Variants in ASAP1 observed in about 807,000 individuals in gnomAD.
ASAP1 encodes the protein arf-GAP with SH3 domain, ANK repeat and PH domain-containing protein 1.
In ASAP1, 43 loss-of-function variants were observed where a neutral mutation model predicts 145.2. The ratio of observed to expected loss-of-function variants is 0.30; its 90% CI spans 0.23 to 0.38. The LOEUF is 0.38. Ranked by LOEUF, ASAP1 falls within the 10% of genes least tolerant of loss-of-function variation. The pLI is 1.00. For synonymous variants in ASAP1, 546 were observed against 515.5 expected (o/e 1.06, Z -0.80); for missense variants, 1,018 against 1,355.3 (o/e 0.75, Z 3.91).
intron 2 of ASAP1, among the ~76,000 whole-genome samples, chr8:130,398,444 T>A (rs1453565556): frequency 6.6e-6 from 1 of 152,196 alleles, no homozygotes; most frequent in Non-Finnish European, 1.5e-5. Context: ...GTAGAAGTAG[T>A]CACAACAGTA....
At chr8:130,353,925 C>A (rs1300768842) in intron 3 of ASAP1, among the ~76,000 whole-genome samples, 1 of 151,664 alleles carries the variant, frequency 6.6e-6, no homozygotes, top group South Asian at 2.1e-4. Context: ...CTTGCTCTGT[C>A]GCCCAGGCTG....
chr8:130,376,909 A>C (rs1194349497), intron 2 of ASAP1, among the ~76,000 whole-genome samples: 1 of 121,560 alleles, frequency 8.2e-6, no homozygotes, highest in Non-Finnish European at 1.7e-5. Flanking sequence ...ATCTCAAAAA[A>C]AAAAAAAAAA....
intron 3 of ASAP1, among the ~76,000 whole-genome samples, chr8:130,306,151 G>T (rs1822979232): frequency 6.6e-6 from 1 of 152,204 alleles, no homozygotes; most frequent in Non-Finnish European, 1.5e-5. Flanking sequence ...AATGGTGATA[G>T]TAATACTAAC....
intron 1 of ASAP1, among the ~76,000 whole-genome samples, chr8:130,418,596 T>C (rs2138689216): frequency 6.6e-6 from 1 of 151,626 alleles, no homozygotes; most frequent in Middle Eastern, 3.4e-3. Flanking sequence ...AATTCAATGG[T>C]TTTTAGCATA....
intron 29 of ASAP1, 41 bp from the exon 30 acceptor site, chr8:130,054,846 G>A (rs1223006108): frequency 1.3e-6 from 2 of 1,548,506 alleles, no homozygotes; most frequent in Admixed American, 1.7e-5. Context: ...GAGGCAGCAG[G>A]CAGTGGCCCC....
chr8:130,350,118 G>A (rs541781215), intron 3 of ASAP1, among the ~76,000 whole-genome samples: 16 of 152,314 alleles, frequency 1.1e-4, no homozygotes, highest in African/African-American at 2.4e-4. Context: ...CTGCGGCCTC[G>A]CACAGTGTGT....
At chr8:130,229,639 T>C (rs976266023) in intron 4 of ASAP1, among the ~76,000 whole-genome samples, 1 of 152,202 alleles carries the variant, frequency 6.6e-6, no homozygotes, top group African/African-American at 2.4e-5. Context: ...ATTCAACAAA[T>C]GGCAGCTATA....
chr8:130,179,491 T>C (rs1431298008), intron 8 of ASAP1, 142 bp from the exon 9 acceptor site: 3 of 533,128 alleles, frequency 5.6e-6, no homozygotes, highest in Non-Finnish European at 1.0e-5. Context: ...AGAATGCTGA[T>C]TTCGCAGTCA....
At chr8:130,146,800 T>G (rs971402934) in intron 13 of ASAP1, among the ~76,000 whole-genome samples, 1 of 152,206 alleles carries the variant, frequency 6.6e-6, no homozygotes, top group Non-Finnish European at 1.5e-5. Context: ...ATTCTTGCTT[T>G]AGTGAAATGC....
At chr8:130,222,889 A>G (rs7002892) in intron 4 of ASAP1, among the ~76,000 whole-genome samples, 2 of 151,966 alleles carry the variant, frequency 1.3e-5, no homozygotes, top group Non-Finnish European at 2.9e-5. Flanking sequence ...TGTACTTGGT[A>G]AAGTGCAGGA....
At chr8:130,111,693 T>C (rs1294449838) in intron 24 of ASAP1, among the ~76,000 whole-genome samples, 1 of 152,166 alleles carries the variant, frequency 6.6e-6, no homozygotes, top group Non-Finnish European at 1.5e-5. Context: ...GAACTGAAAC[T>C]CCACTCCACA....
intron 3 of ASAP1, among the ~76,000 whole-genome samples, chr8:130,262,406 AAAAAAAAAAAAGAGAGAGAGAGAGAG>A (rs1819959925): frequency 8.7e-6 from 1 of 114,880 alleles, no homozygotes; most frequent in African/African-American, 3.5e-5. Context: ...AAAAAAAAAA[AAAAAAAAAAAAGAGAGAGAGAGAGAG>A]AGAGAGAGAG....
intron 24 of ASAP1, among the ~76,000 whole-genome samples, chr8:130,105,825 C>G (rs1431611047): frequency 3.9e-5 from 6 of 152,122 alleles, no homozygotes. Context: ...ATGATATGTG[C>G]CACATTGCTC....
chr8:130,144,739 G>A (rs1307527212), intron 13 of ASAP1, among the ~76,000 whole-genome samples: 1 of 152,126 alleles, frequency 6.6e-6, no homozygotes, highest in Non-Finnish European at 1.5e-5. Context: ...TTATCTAACT[G>A]AAGTAATTCA....
At chr8:130,387,707 A>G (rs1231249011) in intron 2 of ASAP1, among the ~76,000 whole-genome samples, 1 of 151,304 alleles carries the variant, frequency 6.6e-6, no homozygotes, top group Non-Finnish European at 1.5e-5. Context: ...AACCACTTGT[A>G]TATATATATG....
At chr8:130,314,803 G>A (rs1313463130) in intron 3 of ASAP1, among the ~76,000 whole-genome samples, 1 of 152,172 alleles carries the variant, frequency 6.6e-6, no homozygotes, top group Non-Finnish European at 1.5e-5. Flanking sequence ...AGATGTGGTC[G>A]GGATGTGCAG....
chr8:130,427,893 C>T (rs1587030532), intron 1 of ASAP1: 1 of 152,222 alleles, frequency 6.6e-6, no homozygotes, highest in East Asian at 1.9e-4. Flanking sequence ...CAAATCTCAT[C>T]TTCCTGGTGG....
chr8:130,334,994 G>T (rs1015097689), intron 3 of ASAP1, among the ~76,000 whole-genome samples: 2 of 152,130 alleles, frequency 1.3e-5, no homozygotes, highest in Non-Finnish European at 2.9e-5. Flanking sequence ...TGTGCTTCCT[G>T]TTCTTCTTCC....
chr8:130,429,159 T>C (rs1830052197), intron 1 of ASAP1, among the ~76,000 whole-genome samples: 1 of 152,236 alleles, frequency 6.6e-6, no homozygotes, highest in Non-Finnish European at 1.5e-5. Flanking sequence ...TCATTTTGGA[T>C]CCAGGCTCGC....
Sources: allele counts gnomAD v4.1 joint callset (sites outside exome capture counted in the v4.1 genomes callset), GRCh38; gene constraint gnomAD v4.1.1; transcripts MANE v1.5; gene names NCBI Gene and HGNC (gene_info 2026-07-23, HGNC 2026-07-21).